Variants in VAV2 observed in about 807,000 individuals in gnomAD.
The protein encoded by VAV2 is guanine nucleotide exchange factor VAV2.
VAV2 carries 67 observed loss-of-function variants against 132.5 expected under a neutral mutation model. That is an observed-to-expected ratio of 0.51 (90% CI 0.42 to 0.62). The LOEUF is 0.62. Among genes scored for constraint, VAV2 ranks in the 20% least tolerant of loss-of-function variants. VAV2 has a pLI of 0.00. For synonymous variants in VAV2, 492 were observed against 443.5 expected (o/e 1.11, Z -1.37); for missense variants, 938 against 1,153.6 (o/e 0.81, Z 2.71).
intron 14 of VAV2, 96 bp downstream of exon 14, chr9:133,789,162 G>T: frequency 1.5e-6 from 2 of 1,312,622 alleles, no homozygotes; most frequent in Non-Finnish European, 2.1e-6. Flanking sequence ...TCCACAGGAA[G>T]GCCTGGCTTC....
intron 2 of VAV2, among the ~76,000 whole-genome samples, chr9:133,931,966 C>T (rs933571671): frequency 2.0e-5 from 3 of 152,216 alleles, no homozygotes; most frequent in Admixed American, 6.5e-5. Context: ...AGTGCGCTGC[C>T]GGGGTGCCTT....
intron 3 of VAV2, among the ~76,000 whole-genome samples, chr9:133,839,336 G>A (rs1016187277): frequency 6.6e-6 from 1 of 152,042 alleles, no homozygotes; most frequent in African/African-American, 2.4e-5. Flanking sequence ...CAAATGAGTG[G>A]GTTGGTGGGT....
chr9:133,817,444 G>A (rs944845396), intron 4 of VAV2, among the ~76,000 whole-genome samples: 2 of 151,916 alleles, frequency 1.3e-5, no homozygotes, highest in African/African-American at 2.4e-5. Flanking sequence ...CCTGAGGTCA[G>A]GAGTTCGAGG....
Position 133,823,903 on chromosome 9 carries a change from G to C in VAV2, c.449+10369C>G, listed in dbSNP as rs1235510597. ...AATGCGGAGCGGGCAGGGTGGTCAC[G>C]CGCACCTGCTCTGCGTGCGTCAGAG... On this transcript the variant is annotated intron_variant, in intron 4 of 29. Coordinates refer to ENST00000371850, the MANE Select transcript of VAV2 (RefSeq NM_001134398.2). This position sits in a 1 kb window ranked among gnomAD's most constrained non-coding sequence, Gnocchi z 5.5. Among the ~76,000 whole-genome samples the C allele has an allele frequency of 6.6e-6, 1 of 152,152 alleles. No individual in the cohort carries two copies. The highest frequency in any genetic ancestry group is 2.1e-4 in the South Asian group (1 of 4,826).
At chr9:133,835,119 T>A (rs549888938) in intron 3 of VAV2, among the ~76,000 whole-genome samples, 13 of 152,360 alleles carry the variant, frequency 8.5e-5, no homozygotes, top group African/African-American at 2.9e-4. Context: ...CTCATTTTTG[T>A]GGAACTGTCA....
intron 2 of VAV2, among the ~76,000 whole-genome samples, chr9:133,894,165 C>G (rs1416217730): frequency 6.6e-6 from 1 of 152,250 alleles, no homozygotes; most frequent in Non-Finnish European, 1.5e-5. Flanking sequence ...CCACTGCCAC[C>G]ACCATGTCCG....
intron 1 of VAV2, among the ~76,000 whole-genome samples, chr9:133,981,823 G>A (rs567566427): frequency 4.0e-4 from 61 of 152,326 alleles, no homozygotes; most frequent in African/African-American, 1.2e-3. Flanking sequence ...CGAGGAGCCC[G>A]GCCTCTGTCA....
rs1344147250 is a variant in VAV2 at position 133,885,383 on chromosome 9, G to A, written c.322-23951C>T. Among the ~76,000 whole-genome samples, 1 of 152,174 alleles carries A rather than the reference G, an allele frequency of 6.6e-6. No homozygotes were observed. Among genetic ancestry groups the A allele is most frequent in the Non-Finnish European group, 1.5e-5 (1 of 68,034 alleles). ...ACTCAGGCATCCCTGTCACATCGAT[G>A]AGCAAACATGGCCCAGCGATTTGTG... is the stretch of plus-strand genomic sequence containing the variant. On this transcript the variant is annotated intron_variant, in intron 2 of 29. Coordinates refer to ENST00000371850, the MANE Select transcript of VAV2 (RefSeq NM_001134398.2). This position sits in a 1 kb window ranked among gnomAD's most constrained non-coding sequence, Gnocchi z 5.0.
chr9:133,851,589 T>C (rs907218974), intron 3 of VAV2, among the ~76,000 whole-genome samples: 8 of 152,200 alleles, frequency 5.3e-5, no homozygotes, highest in African/African-American at 1.9e-4. Context: ...GCAGCCTTAA[T>C]GATTCTAGAG....
At position 133,840,603 on chromosome 9, in the gene VAV2, G is replaced by A. The variant is rs116713731; in HGVS notation, c.381-6263C>T. Among the ~76,000 whole-genome samples the A allele has an allele frequency of 1.3e-4, 20 of 152,258 alleles. No homozygotes were observed. The highest frequency in any genetic ancestry group is 4.6e-4 in the Admixed American group (7 of 15,302). On this transcript the variant is annotated intron_variant, in intron 3 of 29. Coordinates refer to ENST00000371850, the MANE Select transcript of VAV2 (RefSeq NM_001134398.2). This position sits in a 1 kb window ranked among gnomAD's most constrained non-coding sequence, Gnocchi z 4.5. The stretch of plus-strand genomic sequence containing the variant: ...ACAGGGGTGCCCAAACCCAAACCCC[G>A]AAGGAAGAGCAGAGGAAACACAGCT...
At chr9:133,843,503 C>A (rs1467071124) in intron 3 of VAV2, among the ~76,000 whole-genome samples, 13 of 152,134 alleles carry the variant, frequency 8.5e-5, no homozygotes, top group Admixed American at 8.5e-4. Context: ...CTGTACCTGG[C>A]CCAGAGTTCC....
chr9:133,893,292 G>A (rs530844344), intron 2 of VAV2, among the ~76,000 whole-genome samples: 72 of 152,322 alleles, frequency 4.7e-4, no homozygotes, highest in African/African-American at 1.6e-3. Context: ...GAGGGCTGAA[G>A]AGGAAGGGAA....
intron 3 of VAV2, among the ~76,000 whole-genome samples, chr9:133,850,002 C>T (rs1241141860): frequency 6.6e-6 from 1 of 152,222 alleles, no homozygotes; most frequent in Non-Finnish European, 1.5e-5. Flanking sequence ...CCCCTTCTCT[C>T]AGGCTTGTCT....
rs1331505498 is a variant in VAV2, at chr9:133,834,619, G to A, written c.381-279C>T. Among the ~76,000 whole-genome samples the A allele has an allele frequency of 5.3e-5, 8 of 152,234 alleles. No homozygotes were observed. Among genetic ancestry groups the A allele is most frequent in the Non-Finnish European group, 1.2e-4 (8 of 68,044 alleles). On this transcript the variant is annotated intron_variant, in intron 3 of 29. Coordinates refer to ENST00000371850, the MANE Select transcript of VAV2 (RefSeq NM_001134398.2). The surrounding 1 kb of genome is among the most constrained non-coding windows in gnomAD (Gnocchi z 5.9). ...CGGGTGTCCAGTGGGAAGACGAGAG[G>A]CCCAGGTCAGGGCTGCAGAAAGCGT... is the stretch of plus-strand genomic sequence containing the variant.
At chr9:133,908,542 C>T (rs1839760216) in intron 2 of VAV2, among the ~76,000 whole-genome samples, 1 of 152,010 alleles carries the variant, frequency 6.6e-6, no homozygotes, top group Non-Finnish European at 1.5e-5. Flanking sequence ...GGTGTCCACC[C>T]CCAGCCCATC....
Position 133,789,318 on chromosome 9 carries a change from C to G in VAV2, c.1214G>C (p.Arg405Thr). The G allele has an allele frequency of 6.2e-7, 1 of 1,614,108 alleles. No homozygotes were observed. Among genetic ancestry groups the G allele is most frequent in the Non-Finnish European group, 8.5e-7 (1 of 1,180,032 alleles). Residue 405 changes from arginine (R) to threonine (T), a missense_variant, in exon 14 of 30, where the codon AGA (arginine) becomes ACA (threonine). Physicochemically the swap from Arg to Thr is moderately conservative, Grantham distance 71. Transcript: ENST00000371850. ...TTTCAGTTCCCCGTCAATCTTTGGT[C>G]TTCCAAATTCCTCCAGTTTCACTTG... ...NLQVKLEEFGRPKIDGELKVR... is the reference protein window; with the variant it reads ...NLQVKLEEFGTPKIDGELKVR...
chr9:133,817,727 G>A (rs1437774288), intron 4 of VAV2, among the ~76,000 whole-genome samples: 3 of 152,240 alleles, frequency 2.0e-5, no homozygotes, highest in African/African-American at 7.2e-5. Flanking sequence ...CGAGTAGAGT[G>A]TTCATTTCAG....
At chr9:133,789,123 C>T (rs889965739) in intron 14 of VAV2, 135 bp downstream of exon 14, 5 of 953,808 alleles carry the variant, frequency 5.2e-6, no homozygotes, top group Admixed American at 2.3e-5. Context: ...TAAAACTGAA[C>T]AACACAAAGC....
At chr9:133,932,374 C>G (rs990111575) in intron 2 of VAV2, among the ~76,000 whole-genome samples, 10 of 152,224 alleles carry the variant, frequency 6.6e-5, no homozygotes, top group Non-Finnish European at 1.5e-4. Context: ...AGCACGCCCA[C>G]CCCGGGCAGC....
Sources: allele counts gnomAD v4.1 joint callset (sites outside exome capture counted in the v4.1 genomes callset), GRCh38; gene constraint gnomAD v4.1.1; non-coding constraint Gnocchi (gnomAD v3.1); transcripts MANE v1.5; gene names NCBI Gene and HGNC (gene_info 2026-07-23, HGNC 2026-07-21).